The following NRXN3 variants were observed in gnomAD, a reference collection of about 807,000 sequenced individuals.
The protein encoded by NRXN3 is neurexin III.
NRXN3 carries 32 observed loss-of-function variants against 137.6 expected under a neutral mutation model. The observed-to-expected ratio is 0.23, with a 90% CI of 0.18 to 0.31. NRXN3 has a LOEUF of 0.31. Among genes scored for constraint, NRXN3 ranks in the 10% least tolerant of loss-of-function variants. The pLI is 1.00. For synonymous variants in NRXN3, 798 were observed against 784.5 expected (o/e 1.02, Z -0.29); for missense variants, 1,574 against 2,062.5 (o/e 0.76, Z 4.59).
intron 15 of NRXN3, among the ~76,000 whole-genome samples, chr14:79,306,914 C>A (rs1339733364): frequency 6.6e-6 from 1 of 152,038 alleles, no homozygotes; most frequent in African/African-American, 2.4e-5. Flanking sequence ...ACTTGACAGC[C>A]TTTTTAGTCT....
At chr14:79,356,347 G>A (rs2093421809) in intron 15 of NRXN3, among the ~76,000 whole-genome samples, 1 of 152,136 alleles carries the variant, frequency 6.6e-6, no homozygotes, top group Admixed American at 6.5e-5. Flanking sequence ...GAGCCTGATT[G>A]TGACTGTTTT....
chr14:78,861,081 G>A (rs2099071059), intron 10 of NRXN3, among the ~76,000 whole-genome samples: 1 of 133,378 alleles, frequency 7.5e-6, no homozygotes, highest in Non-Finnish European at 1.5e-5. Flanking sequence ...ACCAGGTATA[G>A]TCCTGTAATA....
At chr14:78,558,581 T>C (rs1056735919) in intron 4 of NRXN3, among the ~76,000 whole-genome samples, 1 of 152,200 alleles carries the variant, frequency 6.6e-6, no homozygotes, top group African/African-American at 2.4e-5. Flanking sequence ...CTCTACTTCC[T>C]TTAGGGGGCA....
intron 10 of NRXN3, among the ~76,000 whole-genome samples, chr14:78,905,142 T>C (rs941160855): frequency 6.6e-6 from 1 of 152,010 alleles, no homozygotes; most frequent in Non-Finnish European, 1.5e-5. Flanking sequence ...GCCAACTCCT[T>C]GCATTCTCTG....
intron 19 of NRXN3, among the ~76,000 whole-genome samples, chr14:79,798,766 A>G (rs780152956): frequency 2.6e-5 from 4 of 152,236 alleles, no homozygotes; most frequent in Admixed American, 6.5e-5. Context: ...GAGGGGACAG[A>G]GTGAAACGGT....
At chr14:78,794,530 CT>C (rs1466236678) in intron 8 of NRXN3, among the ~76,000 whole-genome samples, 2 of 151,710 alleles carry the variant, frequency 1.3e-5, no homozygotes, top group Non-Finnish European at 2.9e-5. Flanking sequence ...CTTTTGCTAA[CT>C]TTGTGTAATA....
chr14:79,540,960 G>A (rs1392991573), intron 16 of NRXN3, among the ~76,000 whole-genome samples: 2 of 152,076 alleles, frequency 1.3e-5, no homozygotes, highest in Non-Finnish European at 2.9e-5. Flanking sequence ...CAAGGTGTCA[G>A]CAAGGCTGGT....
chr14:78,475,272 G>C (rs1460078323), intron 4 of NRXN3, among the ~76,000 whole-genome samples: 7 of 152,084 alleles, frequency 4.6e-5, no homozygotes. Flanking sequence ...GGACCTATAT[G>C]CTATTTAATT....
chr14:79,417,612 G>T (rs1449898083), intron 15 of NRXN3, among the ~76,000 whole-genome samples: 1 of 152,066 alleles, frequency 6.6e-6, no homozygotes, highest in Non-Finnish European at 1.5e-5. Flanking sequence ...ATATCCTGGG[G>T]CTGGGCACTA....
At chr14:79,043,492 C>T (rs1222786258) in intron 15 of NRXN3, among the ~76,000 whole-genome samples, 2 of 152,168 alleles carry the variant, frequency 1.3e-5, no homozygotes, top group Admixed American at 6.5e-5. Flanking sequence ...GCAAGAAAAG[C>T]AACTGGAGGT....
chr14:79,626,886 A>AAGAACAC (rs1254036675), intron 16 of NRXN3, among the ~76,000 whole-genome samples: 2 of 152,230 alleles, frequency 1.3e-5, no homozygotes, highest in East Asian at 1.9e-4. Context: ...AGGGGAACCA[A>AAGAACAC]TACAAAGTGT....
rs189751030 is a variant in NRXN3, at chr14:78,307,324, T to A, written c.757+9464T>A. Among the ~76,000 whole-genome samples, 155 of 152,264 alleles carry A rather than the reference T, an allele frequency of 1.0e-3. 2 individuals are homozygous for A. Among genetic ancestry groups the A allele is most frequent in the African/African-American group, 3.7e-3 (154 of 41,562 alleles). On this transcript the variant is annotated intron_variant, in intron 4 of 20. Transcript: ENST00000335750. ...GCCATTACTTCTTTTTCTTTATTGGTTGATTTATTTTTTAAAAAATTACCG... is the reference window on the plus strand; with the variant it reads ...GCCATTACTTCTTTTTCTTTATTGGATGATTTATTTTTTAAAAAATTACCG...
At chr14:79,838,258 A>C (rs572174108) in intron 20 of NRXN3, among the ~76,000 whole-genome samples, 29 of 152,296 alleles carry the variant, frequency 1.9e-4, no homozygotes, top group Admixed American at 1.8e-3. Context: ...AACAGCATTG[A>C]AATAAGCGTT....
At chr14:79,348,312 C>CA (rs2093000583) in intron 15 of NRXN3, among the ~76,000 whole-genome samples, 1 of 151,576 alleles carries the variant, frequency 6.6e-6, no homozygotes, top group African/African-American at 2.4e-5. Flanking sequence ...GAGTAGGTAA[C>CA]AGAGAGCTGA....
chr14:78,718,927 T>C (rs2098446793), intron 8 of NRXN3, among the ~76,000 whole-genome samples: 1 of 152,216 alleles, frequency 6.6e-6, no homozygotes. Flanking sequence ...TGAAGTCCTG[T>C]TGGACAGAGG....
intron 4 of NRXN3, among the ~76,000 whole-genome samples, chr14:78,428,603 G>A (rs927574037): frequency 2.0e-5 from 3 of 152,088 alleles, no homozygotes; most frequent in African/African-American, 7.2e-5. Context: ...AAAGAAATTG[G>A]CTCACGTGAT....
intron 4 of NRXN3, among the ~76,000 whole-genome samples, chr14:78,449,882 C>T (rs1024192754): frequency 1.3e-5 from 2 of 152,190 alleles, no homozygotes; most frequent in Admixed American, 1.3e-4. Context: ...ATTAATATCT[C>T]TCGATTCTCA....
At chr14:79,120,837 A>G (rs911459912) in intron 15 of NRXN3, among the ~76,000 whole-genome samples, 2 of 152,088 alleles carry the variant, frequency 1.3e-5, no homozygotes, top group African/African-American at 4.8e-5. Context: ...ATATTAATAA[A>G]ATCTCAAAAA....
intron 16 of NRXN3, among the ~76,000 whole-genome samples, chr14:79,540,268 A>C (rs2097259925): frequency 6.6e-6 from 1 of 151,794 alleles, no homozygotes. Context: ...GGTATTATGC[A>C]TATAAATATT....
Sources: allele counts gnomAD v4.1 joint callset (sites outside exome capture counted in the v4.1 genomes callset), GRCh38; gene constraint gnomAD v4.1.1; transcripts MANE v1.5; gene names NCBI Gene and HGNC (gene_info 2026-07-23, HGNC 2026-07-21).